The following HSDL2 variants were observed in gnomAD, a reference collection of about 807,000 sequenced individuals.
HSDL2 encodes hydroxysteroid dehydrogenase-like protein 2.
HSDL2 carries 27 observed loss-of-function variants against 46.3 expected under a neutral mutation model. That is an observed-to-expected ratio of 0.58 (90% CI 0.43 to 0.80). The LOEUF (loss-of-function observed/expected upper bound fraction) is 0.80, where lower values mean the gene tolerates loss of function less well. Among genes scored for constraint, HSDL2 ranks in the 30% least tolerant of loss-of-function variants. The pLI is 0.00. For missense variants in HSDL2, 451 were observed against 502.7 expected, an observed-to-expected ratio of 0.90 and a Z score of 0.98; for synonymous variants, 153 against 163.6, an observed-to-expected ratio of 0.94 and a Z score of 0.50.
At chr9:112,381,088 TACACACACAC>T (rs111459650) in intron 1 of HSDL2, among the ~76,000 whole-genome samples, 6 of 134,154 alleles carry the variant, frequency 4.5e-5, no homozygotes, top group African/African-American at 1.7e-4. Context: ...TACATCCGGA[TACACACACAC>T]ACACACACAC....
chr9:112,384,166 C>T (rs531979486), intron 1 of HSDL2, among the ~76,000 whole-genome samples: 70 of 152,158 alleles, frequency 4.6e-4, no homozygotes, highest in African/African-American at 1.7e-3. Flanking sequence ...AACAGTTGTT[C>T]TTCCTTTTAC....
intron 5 of HSDL2, among the ~76,000 whole-genome samples, chr9:112,418,562 C>CAAA (rs59788116): frequency 3.9e-5 from 5 of 127,730 alleles, no homozygotes; most frequent in East Asian, 2.3e-4. Flanking sequence ...CAGCCTGTCT[C>CAAA]AAAAAAAAAA....
At chr9:112,430,190 G>GTTTGAGCATAGACTTTGACA (rs1434876430) in intron 6 of HSDL2, among the ~76,000 whole-genome samples, 2 of 152,112 alleles carry the variant, frequency 1.3e-5, no homozygotes, top group Non-Finnish European at 2.9e-5. Context: ...AGAAGGTGAC[G>GTTTGAGCATAGACTTTGACA]TTTGAGCATA....
chr9:112,441,059 A>T (rs1175883206), intron 7 of HSDL2, among the ~76,000 whole-genome samples: 1 of 151,530 alleles, frequency 6.6e-6, no homozygotes, highest in Non-Finnish European at 1.5e-5. Flanking sequence ...AATTAGCTGG[A>T]TATGGTGGCT....
intron 10 of HSDL2, among the ~76,000 whole-genome samples, chr9:112,465,598 T>C (rs993169208): frequency 3.3e-5 from 5 of 152,218 alleles, no homozygotes; most frequent in African/African-American, 1.2e-4. Flanking sequence ...ACTAATCTGC[T>C]TTTTCTCTAT....
chr9:112,458,329 T>C (rs1344066960), intron 9 of HSDL2, among the ~76,000 whole-genome samples: 1 of 151,530 alleles, frequency 6.6e-6, no homozygotes, highest in Non-Finnish European at 1.5e-5. Flanking sequence ...TCTTTTTTTT[T>C]TTTTTTTCTT....
Position 112,380,126 on chromosome 9 carries a change from G to GCCGCTGTCGCCGCCA in HSDL2, c.-35_-21dup. The stretch of plus-strand genomic sequence containing the variant: ...CAGCTTTAGCTCTCTGCTCGCCGCC[G>GCCGCTGTCGCCGCCA]CCGCTGTCGCCGCCACCTCCTCTGA... On this transcript the variant is annotated 5_prime_UTR_variant, in exon 1 of 11. Transcript: ENST00000398805. The GCCGCTGTCGCCGCCA allele has an allele frequency of 3.2e-6, 5 of 1,548,534 alleles. No homozygotes were observed. The highest frequency in any genetic ancestry group is 1.9e-5 in the Admixed American group (1 of 51,984).
chr9:112,406,100 G>T (rs1260506763), intron 3 of HSDL2, among the ~76,000 whole-genome samples: 1 of 151,758 alleles, frequency 6.6e-6, no homozygotes, highest in Non-Finnish European at 1.5e-5. Flanking sequence ...GGTGGAGGTT[G>T]CAGTGAGCTG....
chr9:112,395,559 G>C (rs1480185242), intron 1 of HSDL2, among the ~76,000 whole-genome samples: 2 of 152,188 alleles, frequency 1.3e-5, no homozygotes, highest in East Asian at 3.8e-4. Context: ...TGAGCTGCAG[G>C]CTCCTGATTA....
intron 1 of HSDL2, among the ~76,000 whole-genome samples, chr9:112,398,211 G>A (rs1831503968): frequency 6.6e-6 from 1 of 152,062 alleles, no homozygotes; most frequent in African/African-American, 2.4e-5. Context: ...GTGTGAAGAA[G>A]GGTACAGAGA....
intron 6 of HSDL2, among the ~76,000 whole-genome samples, chr9:112,428,002 T>A (rs1832292006): frequency 6.6e-6 from 1 of 152,214 alleles, no homozygotes; most frequent in South Asian, 2.1e-4. Context: ...GTGGTACTCT[T>A]GAACTGAACT....
intron 10 of HSDL2, among the ~76,000 whole-genome samples, chr9:112,466,079 CATT>C (rs1833370784): frequency 6.6e-6 from 1 of 152,034 alleles, no homozygotes; most frequent in Non-Finnish European, 1.5e-5. Context: ...TTTGTTTTTT[CATT>C]ATTGCCACCC....
At chr9:112,430,306 T>C (rs752360647) in intron 6 of HSDL2, among the ~76,000 whole-genome samples, 2 of 152,128 alleles carry the variant, frequency 1.3e-5, no homozygotes, top group Non-Finnish European at 2.9e-5. Context: ...GGATAGGTCC[T>C]GTGGACTAGT....
intron 1 of HSDL2, among the ~76,000 whole-genome samples, chr9:112,400,214 T>G (rs1831557653): frequency 6.6e-6 from 1 of 152,186 alleles, no homozygotes; most frequent in African/African-American, 2.4e-5. Flanking sequence ...TTCATAATAC[T>G]GAATTGGTGA....
chr9:112,420,295 C>A (rs1263205437), intron 6 of HSDL2, among the ~76,000 whole-genome samples: 1 of 152,146 alleles, frequency 6.6e-6, no homozygotes, highest in Non-Finnish European at 1.5e-5. Context: ...TCCTGGGTAA[C>A]AGAGCAAGAC....
In HSDL2 at chr9:112,380,151, A is replaced by G. The variant is rs1831046450; in HGVS notation, c.-13A>G. ...GCCGCTGTCGCCGCCACCTCCTCTG[A>G]TCTACGAAAGTCATGTTACCCAACA... On this transcript the variant is annotated 5_prime_UTR_variant, in exon 1 of 11. Transcript: ENST00000398805. 3 of 1,569,572 alleles carry G rather than the reference A, an allele frequency of 1.9e-6. No homozygotes were observed. The highest frequency in any genetic ancestry group is 2.6e-6 in the Non-Finnish European group (3 of 1,156,512).
intron 6 of HSDL2, among the ~76,000 whole-genome samples, chr9:112,424,773 C>T (rs561991036): frequency 6.6e-6 from 1 of 151,480 alleles, no homozygotes; most frequent in African/African-American, 2.4e-5. Flanking sequence ...TAGTCCCATC[C>T]ATTTTTAATT....
intron 1 of HSDL2, among the ~76,000 whole-genome samples, chr9:112,402,705 G>A (rs1831633832): frequency 6.6e-6 from 1 of 152,050 alleles, no homozygotes; most frequent in Admixed American, 6.6e-5. Context: ...GGTGGATCAC[G>A]AGGTCAGGAG....
chr9:112,403,949 A>G (rs765619877), intron 1 of HSDL2, 46 bp from the exon 2 acceptor site: 5 of 1,572,282 alleles, frequency 3.2e-6, no homozygotes, highest in Non-Finnish European at 4.3e-6. Flanking sequence ...CTGTCAGTAA[A>G]TAAAACATTG....
Sources: allele counts gnomAD v4.1 joint callset (sites outside exome capture counted in the v4.1 genomes callset), GRCh38; gene constraint gnomAD v4.1.1; transcripts MANE v1.5; gene names NCBI Gene and HGNC (gene_info 2026-07-23, HGNC 2026-07-21).